The following PNPT1 variants were observed in gnomAD, a reference collection of about 807,000 sequenced individuals.
PNPT1 encodes the protein polyribonucleotide nucleotidyltransferase 1, also known as polyribonucleotide nucleotidyltransferase 1, mitochondrial.
PNPT1 carries 53 observed loss-of-function variants against 119.5 expected under a neutral mutation model. The observed-to-expected ratio is 0.44, with a 90% CI of 0.36 to 0.56. PNPT1 has a LOEUF of 0.56. Ranked by LOEUF, PNPT1 falls within the 20% of genes least tolerant of loss-of-function variation. PNPT1 has a pLI of 0.00. For missense variants in PNPT1, 948 were observed against 938.5 expected, an observed-to-expected ratio of 1.01 and a Z score of -0.13; for synonymous variants, 357 against 322.1, an observed-to-expected ratio of 1.11 and a Z score of -1.16.
chr2:55,661,730 C>T (rs1184297775), intron 14 of PNPT1, among the ~76,000 whole-genome samples: 1 of 152,154 alleles, frequency 6.6e-6, no homozygotes, highest in African/African-American at 2.4e-5. Flanking sequence ...AATATACTCA[C>T]ATTAAAGAAT....
chr2:55,676,803 A>G (rs1163174986), intron 8 of PNPT1, among the ~76,000 whole-genome samples: 1 of 151,836 alleles, frequency 6.6e-6, no homozygotes, highest in Non-Finnish European at 1.5e-5. Context: ...CGGAAGTTGC[A>G]CTGAGCCAAG....
chr2:55,682,186 G>A (rs144560515), intron 5 of PNPT1, among the ~76,000 whole-genome samples: 103 of 152,030 alleles, frequency 6.8e-4, no homozygotes, highest in African/African-American at 2.3e-3. Context: ...TGTTGGCCAG[G>A]TGCAGTGGCT....
chr2:55,660,107 A>AAAATTTAT, intron 15 of PNPT1, 50 bp downstream of exon 15: 1 of 1,505,560 alleles, frequency 6.6e-7, no homozygotes, highest in Non-Finnish European at 8.9e-7. Context: ...TCGTCTCACA[A>AAAATTTAT]AAATTTATTA....
chr2:55,651,111 G>A (rs1451426086), intron 18 of PNPT1, among the ~76,000 whole-genome samples: 103 of 147,838 alleles, frequency 7.0e-4, no homozygotes, highest in Middle Eastern at 3.6e-3. Context: ...CGCCCCGTCC[G>A]GGAGGTGAGG....
chr2:55,679,597 C>A (rs1164189680), intron 8 of PNPT1, 85 bp downstream of exon 8: 5 of 976,134 alleles, frequency 5.1e-6, no homozygotes, highest in Admixed American at 2.4e-5. Context: ...ACCGACAAAA[C>A]ATACACACAG....
At chr2:55,671,504 A>G in intron 10 of PNPT1, 128 bp from the exon 11 acceptor site, 1 of 538,696 alleles carries the variant, frequency 1.9e-6, no homozygotes, top group Non-Finnish European at 3.1e-6. Flanking sequence ...AAAATATTGG[A>G]ATTGGTTCTT....
Position 55,639,323 on chromosome 2 carries a change from T to C in PNPT1, c.2148+1304A>G, listed in dbSNP as rs905286118. Among the ~76,000 whole-genome samples the C allele has an allele frequency of 3.0e-4, 45 of 152,288 alleles. 1 individual carries two copies. The highest frequency in any genetic ancestry group is 6.8e-3 in the Middle Eastern group (2 of 294). On this transcript the variant is annotated intron_variant, in intron 26 of 27. Coordinates refer to ENST00000447944, the MANE Select transcript of PNPT1 (RefSeq NM_033109.5). ...ATAAGTTGCAGTGTAGCACAAATCA[T>C]GAATTCATCTACTCTAATTATCCTC...
At chr2:55,679,823 GT>G in intron 7 of PNPT1, 28 bp from the exon 8 acceptor site, 3 of 1,483,970 alleles carry the variant, frequency 2.0e-6, no homozygotes, top group Non-Finnish European at 2.8e-6. Context: ...ATTGGCAACT[GT>G]TTAATGGAAA....
At chr2:55,684,241 C>T (rs1697330179) in intron 4 of PNPT1, among the ~76,000 whole-genome samples, 1 of 152,174 alleles carries the variant, frequency 6.6e-6, no homozygotes, top group South Asian at 2.1e-4. Context: ...GCCTGCAATC[C>T]CAGCACTTGG....
intron 23 of PNPT1, among the ~76,000 whole-genome samples, chr2:55,643,715 G>A (rs1218883143): frequency 6.8e-6 from 1 of 147,996 alleles, no homozygotes; most frequent in African/African-American, 2.5e-5. Flanking sequence ...CTCCAGTCTG[G>A]GTGACAGAGC....
chr2:55,661,518 T>C (rs1413288928), intron 14 of PNPT1, among the ~76,000 whole-genome samples: 1 of 152,222 alleles, frequency 6.6e-6, no homozygotes, highest in East Asian at 1.9e-4. Context: ...CAAGTATTTC[T>C]GAACACAAAA....
chr2:55,659,149 T>C (rs749148707), intron 15 of PNPT1, among the ~76,000 whole-genome samples: 1 of 152,058 alleles, frequency 6.6e-6, no homozygotes, highest in Non-Finnish European at 1.5e-5. Context: ...AGAGACAGGA[T>C]CTCACTATGT....
chr2:55,650,278 G>C (rs971190282), intron 18 of PNPT1, among the ~76,000 whole-genome samples: 1 of 152,142 alleles, frequency 6.6e-6, no homozygotes, highest in Non-Finnish European at 1.5e-5. Context: ...GACTGCCTGC[G>C]ATTGCAGGCG....
chr2:55,673,879 C>T (rs570337567), intron 8 of PNPT1, among the ~76,000 whole-genome samples: 14 of 152,270 alleles, frequency 9.2e-5, no homozygotes, highest in African/African-American at 3.4e-4. Context: ...TGAGCCACTA[C>T]ATCCAGCTAA....
rs149916172 is a variant in PNPT1 at position 55,670,485 on chromosome 2, C to T, written c.976+834G>A. ...ACAGGCGTGAGCCACCGCGCCTGGC[C>T]AGAGGTTGATATTATACAGTAAGAT... On this transcript the variant is annotated intron_variant, in intron 11 of 27. Transcript: ENST00000447944. 3.6e-3 allele frequency among the ~76,000 whole-genome samples: 544 copies of T among 152,276 alleles called. 3 individuals are homozygous for T. The highest frequency in any genetic ancestry group is 0.011 in the African/African-American group (454 of 41,546).
intron 18 of PNPT1, among the ~76,000 whole-genome samples, chr2:55,650,824 C>T (rs1448365990): frequency 2.7e-5 from 4 of 148,610 alleles, no homozygotes; most frequent in Non-Finnish European, 6.0e-5. Context: ...GAAGCCCCTC[C>T]GCCCAGCAGC....
intron 8 of PNPT1, among the ~76,000 whole-genome samples, chr2:55,675,640 G>C (rs1354770697): frequency 1.3e-5 from 2 of 152,022 alleles, no homozygotes; most frequent in African/African-American, 4.8e-5. Flanking sequence ...TGAGGCTGTA[G>C]TGATGTATAA....
At position 55,687,681 on chromosome 2, in the gene PNPT1, C is replaced by G. The variant is rs772064016; in HGVS notation, c.186G>C (p.Lys62Asn). ...GNRKLEISSG[K>N]LARFADGSAV... ...CAGAGCCATCTGCAAATCTGGCCAGCTTTCCAGAAGATATTTCTAATTTCC... is the reference window on the plus strand; with the variant it reads ...CAGAGCCATCTGCAAATCTGGCCAGGTTTCCAGAAGATATTTCTAATTTCC... The change falls in exon 2 of 28, where the codon AAG becomes AAC. Residue 62 changes from lysine (K) to asparagine (N), a missense_variant. Lys to Asn is a moderately conservative substitution (Grantham distance 94). Coordinates refer to ENST00000447944, the MANE Select transcript of PNPT1 (RefSeq NM_033109.5). 4 of 1,600,624 alleles carry G rather than the reference C, an allele frequency of 2.5e-6. No homozygotes were observed. Among genetic ancestry groups the G allele is most frequent in the Admixed American group, 1.8e-5 (1 of 56,802 alleles).
chr2:55,677,764 G>A (rs1360675361), intron 8 of PNPT1, among the ~76,000 whole-genome samples: 1 of 151,830 alleles, frequency 6.6e-6, no homozygotes, highest in Non-Finnish European at 1.5e-5. Context: ...TTTTGAGACA[G>A]AGTCTCGCTC....
Sources: allele counts gnomAD v4.1 joint callset (sites outside exome capture counted in the v4.1 genomes callset), GRCh38; gene constraint gnomAD v4.1.1; transcripts MANE v1.5; gene names NCBI Gene and HGNC (gene_info 2026-07-23, HGNC 2026-07-21).